TMPRSS11F: variants seen among roughly 807,000 people sequenced by gnomAD.
TMPRSS11F encodes the protein transmembrane protease serine 11F.
In TMPRSS11F, 47 loss-of-function variants were observed where a neutral mutation model predicts 60.2. The ratio of observed to expected loss-of-function variants is 0.78; its 90% confidence interval spans 0.62 to 1.00. TMPRSS11F has a LOEUF of 1.00. Ranked by LOEUF, TMPRSS11F falls within the 50% of genes least tolerant of loss-of-function variation. The pLI is 0.00. For missense variants in TMPRSS11F, 519 were observed against 522.9 expected (o/e 0.99, Z 0.07); for synonymous variants, 166 against 167.3 (o/e 0.99, Z 0.06).
chr4:68,062,494 G>A (rs1371529563), intron 8 of TMPRSS11F: 6 of 697,378 alleles, frequency 8.6e-6, no homozygotes, highest in Non-Finnish European at 1.6e-5. Flanking sequence ...CAGTAATGTT[G>A]TAATTAGAAA....
At chr4:68,099,147 G>T in intron 1 of TMPRSS11F, 109 bp from the exon 2 acceptor site, 1 of 898,994 alleles carries the variant, frequency 1.1e-6, no homozygotes, top group Non-Finnish European at 1.6e-6. Context: ...AAATAACAGT[G>T]AGCAACTTAG....
At chr4:68,068,563 C>T in intron 7 of TMPRSS11F, 55 bp downstream of exon 7, 1 of 1,459,312 alleles carries the variant, frequency 6.9e-7, no homozygotes. Flanking sequence ...TGCGCTAAAT[C>T]AGTGGCAGAT....
chr4:68,059,808 C>A (rs1458356539), intron 8 of TMPRSS11F, among the ~76,000 whole-genome samples: 1 of 152,152 alleles, frequency 6.6e-6, no homozygotes, highest in Non-Finnish European at 1.5e-5. Context: ...CTGCCACATT[C>A]TCCATGTAAG....
chr4:68,099,093 A>G (rs1435133829), intron 1 of TMPRSS11F, 55 bp from the exon 2 acceptor site: 3 of 1,455,384 alleles, frequency 2.1e-6, no homozygotes, highest in Non-Finnish European at 2.8e-6. Context: ...GTTCAACTTT[A>G]TGTTTACTTA....
At chr4:68,097,065 T>C (rs1013084251) in intron 2 of TMPRSS11F, among the ~76,000 whole-genome samples, 46 of 152,258 alleles carry the variant, frequency 3.0e-4, no homozygotes, top group Non-Finnish European at 2.9e-5. Flanking sequence ...TACCTTCTCC[T>C]GTCTTTTCCT....
chr4:68,123,766 T>C (rs1456889245), intron 1 of TMPRSS11F, among the ~76,000 whole-genome samples: 1 of 152,160 alleles, frequency 6.6e-6, no homozygotes, highest in Non-Finnish European at 1.5e-5. Context: ...ATGATACTGC[T>C]GACGTGGTTT....
chr4:68,083,813 A>C (rs1032906011), intron 3 of TMPRSS11F, among the ~76,000 whole-genome samples: 1 of 152,314 alleles, frequency 6.6e-6, no homozygotes, highest in South Asian at 2.1e-4. Context: ...CTACCTCCCC[A>C]GCAATGTTTC....
rs58006789 is a variant in TMPRSS11F, at chr4:68,099,320, A to T, written c.12-282T>A. On this transcript the variant is annotated intron_variant, in intron 1 of 9. Transcript: ENST00000356291. ...TTGGCAATTTAAAACTTTGGTAGTGAAACACAAAGACTGGCTTTTAGATTT... is the reference window on the plus strand; with the variant it reads ...TTGGCAATTTAAAACTTTGGTAGTGTAACACAAAGACTGGCTTTTAGATTT... 9.1e-3 allele frequency among the ~76,000 whole-genome samples: 1,380 copies of T among 152,322 alleles called. 26 individuals are homozygous for T. Among genetic ancestry groups the T allele is most frequent in the African/African-American group, 0.032 (1,311 of 41,566 alleles).
At chr4:68,072,249 A>T (rs1282169428) in intron 5 of TMPRSS11F, 74 bp downstream of exon 5, 1 of 220,370 alleles carries the variant, frequency 4.5e-6, no homozygotes, top group Non-Finnish European at 8.5e-6. Context: ...ATATATATAT[A>T]TTGCTTACAA....
At chr4:68,115,040 C>A (rs1322462794) in intron 1 of TMPRSS11F, among the ~76,000 whole-genome samples, 3 of 134,906 alleles carry the variant, frequency 2.2e-5, no homozygotes, top group African/African-American at 8.4e-5. Context: ...AAGCTTTCAA[C>A]AAGCTAGGGA....
At chr4:68,086,562 TA>T (rs552905610) in intron 3 of TMPRSS11F, among the ~76,000 whole-genome samples, 164 of 151,784 alleles carry the variant, frequency 1.1e-3, no homozygotes, top group Non-Finnish European at 1.8e-3. Context: ...AAAAATCTGT[TA>T]AAAAAAGATC....
At position 68,072,350 on chromosome 4, in the gene TMPRSS11F, T is replaced by C. The variant is rs751019757; in HGVS notation, c.487A>G (p.Ile163Val). 10 of 1,595,988 alleles carry C rather than the reference T, an allele frequency of 6.3e-6. No homozygotes were observed. The highest frequency in any genetic ancestry group is 1.7e-4 in the Middle Eastern group (1 of 5,812). Residue 163 changes from isoleucine to valine, a missense_variant, in exon 5 of 10, where the codon ATA becomes GTA. By Grantham distance (29) the Ile-to-Val change is conservative. Coordinates refer to ENST00000356291, the MANE Select transcript of TMPRSS11F (RefSeq NM_207407.2). ...GTGAGTCTAAATGATGGTTTGTTTA[T>C]GGTCAAAGACAATTGTTTGGTCTTC... ...SLKTKQLSLT[I>V]NKPSFRLTPI...
intron 1 of TMPRSS11F, among the ~76,000 whole-genome samples, chr4:68,104,506 G>A (rs1419557261): frequency 6.6e-6 from 1 of 151,964 alleles, no homozygotes; most frequent in East Asian, 1.9e-4. Flanking sequence ...CTGCCTTCAC[G>A]CTGTACTTCT....
chr4:68,068,053 G>A (rs1302303231), intron 7 of TMPRSS11F, among the ~76,000 whole-genome samples: 1 of 152,094 alleles, frequency 6.6e-6, no homozygotes, highest in East Asian at 1.9e-4. Context: ...GATTTTGCTG[G>A]GCTGTACATA....
chr4:68,095,258 C>T (rs4505877), intron 2 of TMPRSS11F, among the ~76,000 whole-genome samples: 146,980 of 151,826 alleles, frequency 0.97, 71,343 homozygotes, highest in East Asian at 1. Context: ...TGGAAGAGGA[C>T]ATTTCTAATA....
chr4:68,119,190 T>TAA (rs1261300435), intron 1 of TMPRSS11F, among the ~76,000 whole-genome samples: 2 of 152,086 alleles, frequency 1.3e-5, no homozygotes, highest in Non-Finnish European at 2.9e-5. Context: ...TAACTCTCTT[T>TAA]AATTCTTTTA....
In TMPRSS11F at chr4:68,090,568, T is replaced by C; in HGVS notation, c.237A>G (p.Arg79=). ...NIKYKENYGI[R]SSREFIERSH... is the part of the protein sequence containing the mutation. ...TCCTTTCTATAAACTCTCTTGAAGA[T>C]CTTATGCCATAATTTTCTTTATATT... Residue 79 remains arginine (R), a synonymous_variant, in exon 3 of 10, where the codon AGA becomes AGG. Coordinates refer to ENST00000356291, the MANE Select transcript of TMPRSS11F (RefSeq NM_207407.2). The C allele has an allele frequency of 1.2e-6, 2 of 1,601,778 alleles. No individual in the cohort carries two copies. The highest frequency in any genetic ancestry group is 4.5e-5 in the East Asian group (2 of 44,544).
chr4:68,073,580 T>C (rs1253656285), intron 4 of TMPRSS11F, among the ~76,000 whole-genome samples: 1 of 152,180 alleles, frequency 6.6e-6, no homozygotes, highest in Non-Finnish European at 1.5e-5. Flanking sequence ...AACACTTTAC[T>C]GTGGAGAAAG....
chr4:68,115,896 C>T (rs1724510319), intron 1 of TMPRSS11F, among the ~76,000 whole-genome samples: 1 of 151,932 alleles, frequency 6.6e-6, no homozygotes, highest in Non-Finnish European at 1.5e-5. Context: ...ATATATTATG[C>T]TTAATTAGAA....
Sources: gnomAD v4.1 joint callset for allele counts (sites outside exome capture counted in the v4.1 genomes callset) on GRCh38, gnomAD v4.1.1 for gene constraint, MANE v1.5 for transcripts, NCBI Gene and HGNC (gene_info 2026-07-23, HGNC 2026-07-21) for gene names.